TBC1D8: variants seen among roughly 807,000 people sequenced by gnomAD.
The protein encoded by TBC1D8 is TBC1 domain family member 8, also known as BUB2-like protein 1.
Under a neutral mutation model 118.8 loss-of-function variants are expected in TBC1D8, and 65 were observed. The ratio of observed to expected loss-of-function variants is 0.55; its 90% CI spans 0.45 to 0.67. The LOEUF (loss-of-function observed/expected upper bound fraction) is 0.67, where lower values mean the gene tolerates loss of function less well. Among genes scored for constraint, TBC1D8 ranks in the 30% least tolerant of loss-of-function variants. TBC1D8 has a pLI of 0.00. For synonymous variants in TBC1D8, 566 were observed against 595.8 expected, an observed-to-expected ratio of 0.95 and a Z score of 0.73; for missense variants, 1,376 against 1,471.2, an observed-to-expected ratio of 0.94 and a Z score of 1.06.
intron 14 of TBC1D8, 62 bp from the exon 15 acceptor site, chr2:101,027,513 C>A (rs1009820917): frequency 6.8e-7 from 1 of 1,470,608 alleles, no homozygotes; most frequent in Non-Finnish European, 9.5e-7. Context: ...GGGGTCAGGG[C>A]AAGAGGGGAC....
chr2:101,103,081 T>C (rs1399550647), intron 1 of TBC1D8, among the ~76,000 whole-genome samples: 1 of 151,964 alleles, frequency 6.6e-6, no homozygotes. Context: ...AACTACAGAC[T>C]AATAGCTCTC....
intron 1 of TBC1D8, among the ~76,000 whole-genome samples, chr2:101,095,651 A>C (rs2105463059): frequency 6.6e-6 from 1 of 152,128 alleles, no homozygotes; most frequent in East Asian, 1.9e-4. Flanking sequence ...CCAGTCTATC[A>C]TTGTTGGACA....
At position 101,022,202 on chromosome 2, in the gene TBC1D8, G is replaced by A. The variant is rs551572663; in HGVS notation, c.2761+79C>T. The A allele has an allele frequency of 1.2e-4, 194 of 1,592,574 alleles. No individual in the cohort carries two copies. The African/African-American group carries it at 2.4e-3, about 19-fold the overall frequency. Reference sequence around the variant, plus strand: ...AGTGTTACACCATGTGCATCTGCCTGCTCCGAAGATCCACTTTGTGTTCTG... The same window carrying A: ...AGTGTTACACCATGTGCATCTGCCTACTCCGAAGATCCACTTTGTGTTCTG... On this transcript the variant is annotated intron_variant, in intron 16 of 19. Transcript: ENST00000409318.
In TBC1D8 at chr2:101,029,523, C is replaced by T. The variant is rs1482970214; in HGVS notation, c.2190G>A (p.Lys730=). Residue 730 remains lysine (K), a synonymous_variant, in exon 12 of 20, where the codon AAG becomes AAA. Transcript: ENST00000409318. ...EANAEDLCSS[K]DDGQALMILS... Reference sequence around the variant, plus strand: ...GGATCATCAAGGCCTGGCCATCATCCTTGCTGCTGCACAGGTCCTCAGCAT... The same window carrying T: ...GGATCATCAAGGCCTGGCCATCATCTTTGCTGCTGCACAGGTCCTCAGCAT... The T allele has an allele frequency of 1.2e-6, 2 of 1,613,770 alleles. No homozygotes were observed. Among genetic ancestry groups the T allele is most frequent in the Non-Finnish European group, 8.5e-7 (1 of 1,179,846 alleles).
rs1676396201 is a variant in TBC1D8 at position 101,096,019 on chromosome 2, G to A, written c.128-5655C>T. Among the ~76,000 whole-genome samples, 3 of 152,192 alleles carry A rather than the reference G, an allele frequency of 2.0e-5. No individual in the cohort carries two copies. The South Asian group carries it at 6.2e-4, about 31-fold the overall frequency. On this transcript the variant is annotated intron_variant, in intron 1 of 19. Coordinates refer to ENST00000409318, the MANE Select transcript of TBC1D8 (RefSeq NM_001330348.2). Reference sequence around the variant, plus strand: ...CTCCAGTATAATGACAGTAACGACAGCTGGAAGTATGGCAAGACTCAGACT... The same window carrying A: ...CTCCAGTATAATGACAGTAACGACAACTGGAAGTATGGCAAGACTCAGACT...
At chr2:101,083,813 G>A (rs186444783) in intron 2 of TBC1D8, among the ~76,000 whole-genome samples, 4 of 152,182 alleles carry the variant, frequency 2.6e-5, no homozygotes, top group Admixed American at 2.6e-4. Context: ...TGAAACCCTG[G>A]GCAGGGGCCT....
At chr2:101,047,960 A>G (rs1398509545) in intron 5 of TBC1D8, among the ~76,000 whole-genome samples, 1 of 152,148 alleles carries the variant, frequency 6.6e-6, no homozygotes, top group Non-Finnish European at 1.5e-5. Flanking sequence ...AAAACACCAC[A>G]TCTGGAAGTG....
chr2:101,149,157 T>C (rs1428194847), intron 1 of TBC1D8, among the ~76,000 whole-genome samples: 1 of 152,206 alleles, frequency 6.6e-6, no homozygotes, highest in African/African-American at 2.4e-5. Context: ...TCGATCTTGT[T>C]GCATTTAAGC....
At chr2:101,017,911 C>T (rs1054748125) in intron 17 of TBC1D8, 114 of 1,550,596 alleles carry the variant, frequency 7.4e-5, no homozygotes, top group Non-Finnish European at 9.9e-5. Flanking sequence ...AGTGAGAAAC[C>T]GAACAAGAAG....
In TBC1D8 at chr2:101,037,528, C is replaced by T. The variant is rs531018358; in HGVS notation, c.1452+4G>A. On this transcript the variant is annotated splice_donor_region_variant and intron_variant, in intron 8 of 19. Coordinates refer to ENST00000409318, the MANE Select transcript of TBC1D8 (RefSeq NM_001330348.2). ...GTCCAGCTTGGGCACCAGGCGTCACCCACCATTCGGGAGTCAGGGCTCTGG... is the reference window on the plus strand; with the variant it reads ...GTCCAGCTTGGGCACCAGGCGTCACTCACCATTCGGGAGTCAGGGCTCTGG... The T allele has an allele frequency of 8.4e-5, 136 of 1,611,596 alleles. No individual in the cohort carries two copies. In the South Asian group the frequency reaches 1.4e-3, roughly 16 times the overall value.
At chr2:101,066,893 G>A (rs1265113475) in intron 2 of TBC1D8, among the ~76,000 whole-genome samples, 5 of 150,366 alleles carry the variant, frequency 3.3e-5, no homozygotes, top group African/African-American at 9.8e-5. Flanking sequence ...TGCAGTGAGC[G>A]GAGATCGAGT....
intron 1 of TBC1D8, among the ~76,000 whole-genome samples, chr2:101,109,078 AGAG>A (rs1199512103): frequency 6.6e-6 from 1 of 152,222 alleles, no homozygotes; most frequent in Non-Finnish European, 1.5e-5. Flanking sequence ...GCCCACCTGC[AGAG>A]AAGCGGGGGA....
intron 1 of TBC1D8, among the ~76,000 whole-genome samples, chr2:101,119,019 A>C (rs1017098303): frequency 1.5e-4 from 23 of 151,738 alleles, no homozygotes; most frequent in African/African-American, 2.4e-4. Context: ...CTGCCCCCCC[A>C]AAAAAAAGAC....
At chr2:101,065,354 T>G (rs566691385) in intron 2 of TBC1D8, among the ~76,000 whole-genome samples, 18 of 152,312 alleles carry the variant, frequency 1.2e-4, no homozygotes, top group African/African-American at 4.1e-4. Flanking sequence ...CCATACAGAC[T>G]ACAAAGGAGC....
intron 2 of TBC1D8, 91 bp from the exon 3 acceptor site, chr2:101,059,630 C>A: frequency 8.7e-7 from 1 of 1,144,688 alleles, no homozygotes; most frequent in South Asian, 1.4e-5. Flanking sequence ...ATTGTGTATC[C>A]CCATGTTGAT....
Position 101,021,816 on chromosome 2 carries a change from T to C in TBC1D8, c.2762-70A>G, listed in dbSNP as rs1391487137. On this transcript the variant is annotated intron_variant, in intron 16 of 19. Transcript: ENST00000409318. ...TCCATTTGTCAGGACACAAACTCACTGTGGAGAGAACACTGGGGAAGGTCA... is the reference window on the plus strand; with the variant it reads ...TCCATTTGTCAGGACACAAACTCACCGTGGAGAGAACACTGGGGAAGGTCA... 4.9e-6 allele frequency: 5 copies of C among 1,014,506 alleles called. No homozygotes were observed. The South Asian group carries it at 7.0e-5, about 14-fold the overall frequency. 62.8% of individuals were successfully genotyped at this position (1,014,506 alleles called of 1,614,324 possible).
chr2:101,101,728 T>G (rs1676850570), intron 1 of TBC1D8, among the ~76,000 whole-genome samples: 1 of 152,122 alleles, frequency 6.6e-6, no homozygotes, highest in Non-Finnish European at 1.5e-5. Context: ...TAAAAAGGAA[T>G]GAGATCATGT....
chr2:101,062,650 TTTA>T (rs1573962682), intron 2 of TBC1D8, among the ~76,000 whole-genome samples: 1 of 152,224 alleles, frequency 6.6e-6, no homozygotes, highest in African/African-American at 2.4e-5. Flanking sequence ...ATCATTATTA[TTTA>T]TTATTTTTTT....
chr2:101,011,432 A>C lies in TBC1D8; in HGVS notation c.2917+19T>G. On this transcript the variant is annotated intron_variant, in intron 18 of 19. Transcript: ENST00000409318. ...GCAGTGGTATGCAGGGGAAAGCAAC[A>C]ATGAAAAGAGGTACGTGCCATTGGG... The C allele has an allele frequency of 6.2e-7, 1 of 1,613,522 alleles. No homozygotes were observed. The highest frequency in any genetic ancestry group is 2.2e-5 in the East Asian group (1 of 44,892).
Sources: allele counts gnomAD v4.1 joint callset (sites outside exome capture counted in the v4.1 genomes callset), GRCh38; gene constraint gnomAD v4.1.1; transcripts MANE v1.5; gene names NCBI Gene and HGNC (gene_info 2026-07-23, HGNC 2026-07-21).